Variants in TUSC3 observed in about 807,000 individuals in gnomAD.
TUSC3 encodes the protein dolichyl-diphosphooligosaccharide--protein glycosyltransferase subunit TUSC3.
In TUSC3, 45 loss-of-function variants were observed where a neutral mutation model predicts 44.8. The observed-to-expected ratio is 1.00, with a 90% CI of 0.79 to 1.29. TUSC3 has a LOEUF of 1.29. TUSC3 is among the 50% of genes most tolerant of loss of function. The pLI is 0.00. For synonymous variants in TUSC3, 212 were observed against 152.9 expected, an observed-to-expected ratio of 1.39 and a Z score of -2.85; for missense variants, 519 against 437.9, an observed-to-expected ratio of 1.19 and a Z score of -1.65.
intron 1 of TUSC3, among the ~76,000 whole-genome samples, chr8:15,595,181 G>T (rs868308156): frequency 6.6e-6 from 1 of 152,166 alleles, no homozygotes; most frequent in South Asian, 2.1e-4. Context: ...TTGGAGAACT[G>T]TCCTGTAGTT....
chr8:15,471,594 T>C (rs1055622612), intron 1 of TUSC3, among the ~76,000 whole-genome samples: 2 of 151,816 alleles, frequency 1.3e-5, no homozygotes, highest in Non-Finnish European at 2.9e-5. Flanking sequence ...AATTTACTTA[T>C]AACGGAAATT....
the TUSC3 span, among the ~76,000 whole-genome samples, chr8:15,830,690 T>A: frequency 1.3e-5 from 2 of 152,036 alleles, no homozygotes; most frequent in African/African-American, 4.8e-5. Flanking sequence ...CTCTAACTTA[T>A]AAATGAGAGC....
chr8:15,552,328 A>T (rs1319155680), intron 1 of TUSC3, among the ~76,000 whole-genome samples: 1 of 151,742 alleles, frequency 6.6e-6, no homozygotes, highest in Non-Finnish European at 1.5e-5. Flanking sequence ...CATGTTAGGT[A>T]GGTACAGTGC....
chr8:15,587,190 A>C (rs1487423846), intron 1 of TUSC3, among the ~76,000 whole-genome samples: 2 of 152,156 alleles, frequency 1.3e-5, no homozygotes, highest in Non-Finnish European at 2.9e-5. Context: ...TTTCTTCTAA[A>C]TATGGCACAG....
chr8:15,647,863 C>T (rs1023071563), intron 2 of TUSC3, among the ~76,000 whole-genome samples: 4 of 152,130 alleles, frequency 2.6e-5, no homozygotes, highest in Non-Finnish European at 5.9e-5. Context: ...TGCTAATGAT[C>T]AGTCCATTCC....
Position 15,749,357 on chromosome 8 carries a change from T to C in TUSC3, c.1028+892T>C, listed in dbSNP as rs183847163. On this transcript the variant is annotated intron_variant, in intron 9 of 10. Transcript: ENST00000503731. ...AGATCATAGCAGCAATATATAGCTT[T>C]ATCAGGGAAAAAACTAATCCCATAA... is the stretch of plus-strand genomic sequence containing the variant. Among the ~76,000 whole-genome samples the C allele has an allele frequency of 1.6e-4, 25 of 152,268 alleles. No individual in the cohort carries two copies. The East Asian group carries it at 3.7e-3, about 22-fold the overall frequency.
chr8:15,462,877 G>C (rs893084708), intron 1 of TUSC3, among the ~76,000 whole-genome samples: 12 of 152,068 alleles, frequency 7.9e-5, no homozygotes, highest in African/African-American at 2.9e-4. Flanking sequence ...AAGGGAAAGA[G>C]AATTTACTCT....
At chr8:15,629,628 TAACACTGCCGTA>T (rs1805671072) in intron 2 of TUSC3, among the ~76,000 whole-genome samples, 1 of 150,844 alleles carries the variant, frequency 6.6e-6, no homozygotes, top group East Asian at 2.0e-4. Context: ...ACCACTTCTG[TAACACTGCCGTA>T]ATCTTTATAA....
intron 5 of TUSC3, among the ~76,000 whole-genome samples, chr8:15,670,514 A>C (rs1047129838): frequency 6.6e-6 from 1 of 151,832 alleles, no homozygotes; most frequent in African/African-American, 2.4e-5. Context: ...ATGAATTTCA[A>C]CTTTTACCTC....
At chr8:15,612,352 A>G (rs1398459780) in intron 1 of TUSC3, among the ~76,000 whole-genome samples, 1 of 152,188 alleles carries the variant, frequency 6.6e-6, no homozygotes, top group Non-Finnish European at 1.5e-5. Context: ...CAAACAAACA[A>G]ACAAGAAAGA....
chr8:15,659,376 T>A (rs1213513648), intron 3 of TUSC3, 131 bp from the exon 4 acceptor site: 67 of 1,132,836 alleles, frequency 5.9e-5, no homozygotes, highest in Middle Eastern at 2.8e-4. Flanking sequence ...AAACAGAAAT[T>A]TACCTCTGGA....
At chr8:15,619,920 T>TG (rs1805168942) in intron 1 of TUSC3, among the ~76,000 whole-genome samples, 1 of 152,112 alleles carries the variant, frequency 6.6e-6, no homozygotes, top group Non-Finnish European at 1.5e-5. Context: ...TTCAGAATTG[T>TG]GAAAAAATGA....
chr8:15,490,678 C>G (rs185728050), intron 2 of TUSC3, among the ~76,000 whole-genome samples: 58 of 152,290 alleles, frequency 3.8e-4, no homozygotes, highest in African/African-American at 1.3e-3. Context: ...TTATGTGTGA[C>G]AAACAAATCA....
chr8:15,694,853 A>G (rs895698499), intron 6 of TUSC3, among the ~76,000 whole-genome samples: 1 of 152,182 alleles, frequency 6.6e-6, no homozygotes, highest in Non-Finnish European at 1.5e-5. Context: ...GGTGTCAGCC[A>G]AAATGCTTCA....
intron 2 of TUSC3, among the ~76,000 whole-genome samples, chr8:15,500,788 A>G (rs926196690): frequency 1.3e-5 from 2 of 152,164 alleles, no homozygotes; most frequent in East Asian, 3.9e-4. Context: ...GAAAAGTCCC[A>G]TGATTTATTT....
the TUSC3 span, among the ~76,000 whole-genome samples, chr8:15,817,398 G>C: frequency 6.6e-6 from 1 of 152,036 alleles, no homozygotes; most frequent in East Asian, 1.9e-4. Context: ...TAACTATGTG[G>C]TACACTTAAG....
chr8:15,628,646 A>T (rs1805623954), intron 2 of TUSC3, among the ~76,000 whole-genome samples: 1 of 152,166 alleles, frequency 6.6e-6, no homozygotes, highest in African/African-American at 2.4e-5. Flanking sequence ...CATGACTTGT[A>T]GCTTTTGTAT....
chr8:15,833,004 A>C, the TUSC3 span, among the ~76,000 whole-genome samples: 1 of 152,144 alleles, frequency 6.6e-6, no homozygotes, highest in Non-Finnish European at 1.5e-5. Context: ...CATGGCACTT[A>C]CTCTAAAATT....
At chr8:15,448,847 G>A (rs1001335385) in intron 1 of TUSC3, among the ~76,000 whole-genome samples, 7 of 152,148 alleles carry the variant, frequency 4.6e-5, no homozygotes, top group Non-Finnish European at 1.0e-4. Flanking sequence ...ATATATGATG[G>A]TGATCTCATA....
Sources: allele counts gnomAD v4.1 joint callset (sites outside exome capture counted in the v4.1 genomes callset), GRCh38; gene constraint gnomAD v4.1.1; transcripts MANE v1.5; gene names NCBI Gene and HGNC (gene_info 2026-07-23, HGNC 2026-07-21).